The following CCSER1 variants were observed in gnomAD, a reference collection of about 807,000 sequenced individuals.
CCSER1 encodes coiled-coil serine rich protein 1.
Under a neutral mutation model 82.0 loss-of-function variants are expected in CCSER1, and 41 were observed. The observed-to-expected ratio is 0.50, with a 90% CI of 0.39 to 0.65. The LOEUF is 0.65. CCSER1 is among the 30% of genes least tolerant of loss of function. The pLI is 0.00. For missense variants in CCSER1, 1,119 were observed against 1,064.2 expected (o/e 1.05, Z -0.72); for synonymous variants, 414 against 383.9 (o/e 1.08, Z -0.92).
chr4:90,975,565 G>A (rs751983490), intron 9 of CCSER1, among the ~76,000 whole-genome samples: 3 of 151,190 alleles, frequency 2.0e-5, no homozygotes, highest in Non-Finnish European at 4.4e-5. Context: ...TAATGAAACT[G>A]TCAAACACGG....
intron 5 of CCSER1, among the ~76,000 whole-genome samples, chr4:90,499,202 G>A (rs1769468457): frequency 6.6e-6 from 1 of 151,800 alleles, no homozygotes; most frequent in African/African-American, 2.4e-5. Context: ...CTGAATCGAT[G>A]CCCTAATTTC....
chr4:90,568,814 A>G (rs2132837), intron 5 of CCSER1, among the ~76,000 whole-genome samples: 51,888 of 148,980 alleles, frequency 0.35, 9,585 homozygotes, highest in East Asian at 0.51. Flanking sequence ...CCAGGCTGCA[A>G]TGCAGTGGCA....
At chr4:90,952,705 T>C (rs1283520922) in intron 9 of CCSER1, among the ~76,000 whole-genome samples, 1 of 152,066 alleles carries the variant, frequency 6.6e-6, no homozygotes, top group Non-Finnish European at 1.5e-5. Context: ...TGATAGCCTA[T>C]CATATTTGCC....
At chr4:91,330,398 G>A (rs997491944) in intron 10 of CCSER1, among the ~76,000 whole-genome samples, 3 of 152,142 alleles carry the variant, frequency 2.0e-5, no homozygotes, top group African/African-American at 4.8e-5. Context: ...TGTGGCAAAT[G>A]TGGAGTGAGA....
chr4:90,468,049 C>T (rs975786638), intron 4 of CCSER1, among the ~76,000 whole-genome samples, 185 bp from the exon 5 acceptor site: 2 of 151,920 alleles, frequency 1.3e-5, no homozygotes, highest in Non-Finnish European at 2.9e-5. Context: ...AGAAAAATTG[C>T]CCAAGGTCAT....
At chr4:90,331,079 T>C (rs1156490117) in intron 3 of CCSER1, among the ~76,000 whole-genome samples, 3 of 152,062 alleles carry the variant, frequency 2.0e-5, no homozygotes, top group African/African-American at 7.2e-5. Context: ...AAAATTTCTA[T>C]ATTATTTAAA....
In CCSER1 at chr4:91,575,422, A is replaced by G. The variant is rs373014759; in HGVS notation, c.2218-23150A>G. ...AGAAAGGGAGCAATTAAAAAATGAA[A>G]AGATAACCCATTGAATAAGAGAAAA... On this transcript the variant is annotated intron_variant, in intron 10 of 10. Transcript: ENST00000509176. 1.8e-4 allele frequency among the ~76,000 whole-genome samples: 27 copies of G among 152,142 alleles called. No individual in the cohort carries two copies. The East Asian group carries it at 5.0e-3, about 28-fold the overall frequency.
At chr4:90,529,951 A>ATATAT (rs376043950) in intron 5 of CCSER1, among the ~76,000 whole-genome samples, 12 of 127,148 alleles carry the variant, frequency 9.4e-5, no homozygotes, top group South Asian at 5.6e-4. Context: ...ATATATATAT[A>ATATAT]TTTTTTTTTT....
intron 4 of CCSER1, among the ~76,000 whole-genome samples, chr4:90,401,186 T>C (rs1032946289): frequency 8.5e-5 from 13 of 152,202 alleles, no homozygotes; most frequent in Admixed American, 8.5e-4. Context: ...TTCGGTTGAA[T>C]ACCACTTTAT....
At chr4:90,715,402 T>C (rs1741457882) in intron 6 of CCSER1, among the ~76,000 whole-genome samples, 1 of 151,970 alleles carries the variant, frequency 6.6e-6, no homozygotes, top group African/African-American at 2.4e-5. Flanking sequence ...AGCCTAGTAA[T>C]TTGGGTTATT....
At chr4:91,463,961 C>T (rs897232186) in intron 10 of CCSER1, among the ~76,000 whole-genome samples, 1 of 152,176 alleles carries the variant, frequency 6.6e-6, no homozygotes, top group African/African-American at 2.4e-5. Context: ...CTTCCCCAAC[C>T]TAGCAAGGCA....
At chr4:90,453,099 A>T (rs1322930652) in intron 4 of CCSER1, among the ~76,000 whole-genome samples, 1 of 152,196 alleles carries the variant, frequency 6.6e-6, no homozygotes, top group Non-Finnish European at 1.5e-5. Flanking sequence ...CTTCTCAAAC[A>T]GGTGGGGGCT....
At chr4:90,959,158 A>G (rs143461365) in intron 9 of CCSER1, among the ~76,000 whole-genome samples, 306 of 152,282 alleles carry the variant, frequency 2.0e-3, no homozygotes, top group Middle Eastern at 6.8e-3. Flanking sequence ...TCTATAAGGG[A>G]ACATCTGCTC....
intron 8 of CCSER1, among the ~76,000 whole-genome samples, chr4:90,876,032 TGTG>T (rs1160037856): frequency 2.0e-5 from 3 of 152,166 alleles, no homozygotes; most frequent in African/African-American, 4.8e-5. Context: ...CTTCTTTCAT[TGTG>T]GTAGCCTTGC....
intron 7 of CCSER1, among the ~76,000 whole-genome samples, chr4:90,771,941 A>G (rs1752242881): frequency 6.6e-6 from 1 of 152,108 alleles, no homozygotes; most frequent in Non-Finnish European, 1.5e-5. Flanking sequence ...TTTTGTCTAT[A>G]TGGATACTCG....
chr4:91,461,153 A>G (rs558715382), intron 10 of CCSER1, among the ~76,000 whole-genome samples: 1 of 152,256 alleles, frequency 6.6e-6, no homozygotes, highest in East Asian at 1.9e-4. Flanking sequence ...TTTTTGGCAT[A>G]ATTTATTTAG....
chr4:91,480,801 C>G (rs969776049), intron 10 of CCSER1, among the ~76,000 whole-genome samples: 6 of 152,140 alleles, frequency 3.9e-5, no homozygotes, highest in African/African-American at 9.7e-5. Context: ...TAGAACGTGA[C>G]ACTTCTTACT....
At chr4:90,515,818 G>A in intron 5 of CCSER1, among the ~76,000 whole-genome samples, 1 of 152,042 alleles carries the variant, frequency 6.6e-6, no homozygotes, top group East Asian at 1.9e-4. Flanking sequence ...CAAACCCTAG[G>A]GTCACACTGC....
chr4:90,593,187 T>A (rs1291751009), intron 5 of CCSER1, among the ~76,000 whole-genome samples: 1 of 152,120 alleles, frequency 6.6e-6, no homozygotes, highest in African/African-American at 2.4e-5. Context: ...AAACAGATTC[T>A]AACTCATTTA....
Sources: gnomAD v4.1 joint callset for allele counts (sites outside exome capture counted in the v4.1 genomes callset) on GRCh38, gnomAD v4.1.1 for gene constraint, MANE v1.5 for transcripts, NCBI Gene and HGNC (gene_info 2026-07-23, HGNC 2026-07-21) for gene names.